FGD4: variants seen among roughly 807,000 people sequenced by gnomAD.
FGD4 encodes the protein FYVE, RhoGEF and PH domain containing 4.
Under a neutral mutation model 102.0 loss-of-function variants are expected in FGD4, and 42 were observed. The observed-to-expected ratio is 0.41, with a 90% CI of 0.32 to 0.53. FGD4 has a LOEUF of 0.53. Ranked by LOEUF, FGD4 falls within the 20% of genes least tolerant of loss-of-function variation. The pLI, the probability that FGD4 is intolerant of heterozygous loss-of-function variation, is 0.21. For synonymous variants in FGD4, 380 were observed against 375.7 expected (o/e 1.01, Z -0.13); for missense variants, 902 against 1,078.2 (o/e 0.84, Z 2.29).
intron 8 of FGD4, among the ~76,000 whole-genome samples, chr12:32,608,576 C>A (rs1306810990): frequency 6.6e-6 from 1 of 152,158 alleles, no homozygotes; most frequent in African/African-American, 2.4e-5. Context: ...ATAACATTTT[C>A]TTCAAGAAAA....
chr12:32,572,273 A>C (rs1945738032), intron 2 of FGD4, among the ~76,000 whole-genome samples: 1 of 152,190 alleles, frequency 6.6e-6, no homozygotes, highest in African/African-American at 2.4e-5. Flanking sequence ...GATCTTATTC[A>C]GCTAAGTAAA....
intron 1 of FGD4, among the ~76,000 whole-genome samples, chr12:32,454,843 A>C (rs1942907554): frequency 6.6e-6 from 1 of 152,118 alleles, no homozygotes; most frequent in Non-Finnish European, 1.5e-5. Context: ...TCTTGTTCTG[A>C]CAGTGTATCC....
intron 1 of FGD4, among the ~76,000 whole-genome samples, chr12:32,414,126 C>G (rs947895529): frequency 3.9e-5 from 6 of 151,938 alleles, no homozygotes; most frequent in African/African-American, 1.5e-4. Flanking sequence ...CGCCCACCAG[C>G]ACACCCAGCT....
At chr12:32,634,399 T>C (rs1015672090) in intron 15 of FGD4, among the ~76,000 whole-genome samples, 30 of 152,194 alleles carry the variant, frequency 2.0e-4, no homozygotes, top group African/African-American at 7.0e-4. Context: ...ACTATAGTCA[T>C]TTAATTGCCA....
intron 9 of FGD4, 27 bp from the exon 10 acceptor site, chr12:32,611,110 T>G (rs1949107796): frequency 1.9e-6 from 3 of 1,613,922 alleles, no homozygotes; most frequent in Non-Finnish European, 2.5e-6. Context: ...CCTGCCTGTA[T>G]GTGATCTTGC....
chr12:32,505,799 T>C (rs1938665227), intron 1 of FGD4, among the ~76,000 whole-genome samples: 1 of 152,202 alleles, frequency 6.6e-6, no homozygotes, highest in South Asian at 2.1e-4. Context: ...AGTTCCTTCC[T>C]TCCTTGTCTG....
At chr12:32,550,670 C>CAAAAAA (rs71447606) in intron 1 of FGD4, among the ~76,000 whole-genome samples, 35 of 89,006 alleles carry the variant, frequency 3.9e-4, no homozygotes, top group African/African-American at 6.0e-4. Flanking sequence ...GACACTGTCT[C>CAAAAAA]AAAAAAAAAA....
chr12:32,399,574 T>TGCGACTGCCGCAGGAGTCGCC lies in FGD4; in HGVS notation c.-217_-197dup. 1 of 1,204,048 alleles carries TGCGACTGCCGCAGGAGTCGCC rather than the reference T, an allele frequency of 8.3e-7. No individual in the cohort carries two copies. The highest frequency in any genetic ancestry group is 1.1e-6 in the Non-Finnish European group (1 of 905,488). 74.6% of individuals were successfully genotyped at this position (1,204,048 alleles called of 1,614,324 possible). A position where few individuals can be genotyped will look rare whatever the true frequency, so the allele number is the denominator to read the frequency against. On this transcript the variant is annotated 5_prime_UTR_variant, in exon 1 of 17. Coordinates refer to ENST00000534526, the MANE Select transcript of FGD4 (RefSeq NM_001370298.3). ...GCGGGAGCTGCAGATACCGAGACGC[T>TGCGACTGCCGCAGGAGTCGCC]GCGACTGCCGCAGGAGTCGCCGCAG... is the stretch of plus-strand genomic sequence containing the variant.
chr12:32,558,636 A>G (rs1944302689), intron 1 of FGD4, among the ~76,000 whole-genome samples: 2 of 152,260 alleles, frequency 1.3e-5, no homozygotes, highest in Non-Finnish European at 2.9e-5. Context: ...ATAGTAGCCA[A>G]AAGTCACCCT....
chr12:32,404,510 A>G (rs373908999), intron 1 of FGD4, among the ~76,000 whole-genome samples: 2 of 152,226 alleles, frequency 1.3e-5, no homozygotes, highest in Admixed American at 6.5e-5. Flanking sequence ...GAAGGAAAAA[A>G]AGTTTCAGAA....
intron 1 of FGD4, among the ~76,000 whole-genome samples, chr12:32,563,848 A>C (rs1944932432): frequency 6.6e-6 from 1 of 152,168 alleles, no homozygotes; most frequent in Admixed American, 6.5e-5. Flanking sequence ...AAAAAGTACG[A>C]AAACCAATCA....
intron 7 of FGD4, among the ~76,000 whole-genome samples, chr12:32,605,362 C>A (rs1311695124): frequency 6.6e-6 from 1 of 152,008 alleles, no homozygotes; most frequent in Non-Finnish European, 1.5e-5. Flanking sequence ...TTAAACACTC[C>A]CCTACCTTAC....
chr12:32,605,190 C>T (rs1438470558), intron 7 of FGD4, among the ~76,000 whole-genome samples: 1 of 152,024 alleles, frequency 6.6e-6, no homozygotes, highest in Non-Finnish European at 1.5e-5. Context: ...TCCCCCGTCT[C>T]GGCTTTCCAA....
intron 1 of FGD4, among the ~76,000 whole-genome samples, chr12:32,434,997 GCAGT>G (rs1942178099): frequency 6.6e-6 from 1 of 150,876 alleles, no homozygotes; most frequent in Non-Finnish European, 1.5e-5. Context: ...AGGCTGGAGT[GCAGT>G]GGCACAGTCT....
rs1378383622 is a variant in FGD4, at chr12:32,619,767, A to G, written c.1819A>G (p.Arg607Gly). ...LVGSKFTVRT[R>G]VGIDGMKIVE... ...AGGCTCTAAATTCACAGTTCGAACC[A>G]GGGTTGGCATTGATGGAATGAAAAT... Residue 607 changes from arginine (R) to glycine (G), a missense_variant, in exon 11 of 17, where the codon AGG becomes GGG. Around this residue, in one of 2 missense-constraint regions of FGD4, gnomAD observed 459 missense variants for 619.0 expected, o/e 0.74. Transcript: ENST00000534526. 2 of 1,614,186 alleles carry G rather than the reference A, an allele frequency of 1.2e-6. No homozygotes were observed. The highest frequency in any genetic ancestry group is 2.7e-5 in the African/African-American group (2 of 75,050).
At chr12:32,520,440 G>GTTTTTTTTTTTT (rs1167066001) in intron 1 of FGD4, among the ~76,000 whole-genome samples, 1 of 134,112 alleles carries the variant, frequency 7.5e-6, no homozygotes, top group Non-Finnish European at 1.6e-5. Context: ...TTTGTTTTTT[G>GTTTTTTTTTTTT]TTTTTTTTTT....
chr12:32,573,456 C>T (rs920846240), intron 2 of FGD4, among the ~76,000 whole-genome samples: 3 of 152,040 alleles, frequency 2.0e-5, no homozygotes, highest in Non-Finnish European at 4.4e-5. Flanking sequence ...TTCTTTTAGT[C>T]CTGCGTTAGA....
At chr12:32,587,331 T>C (rs1247750308) in intron 4 of FGD4, among the ~76,000 whole-genome samples, 1 of 152,136 alleles carries the variant, frequency 6.6e-6, no homozygotes, top group Middle Eastern at 3.2e-3. Flanking sequence ...TCACTTTTTT[T>C]GTAATTAAAA....
intron 15 of FGD4, among the ~76,000 whole-genome samples, chr12:32,634,259 T>G (rs1429085202): frequency 6.6e-6 from 1 of 152,168 alleles, no homozygotes; most frequent in East Asian, 1.9e-4. Flanking sequence ...ACCCAAATTA[T>G]TGTAGTATGT....
Sources: allele counts gnomAD v4.1 joint callset (sites outside exome capture counted in the v4.1 genomes callset), GRCh38; gene constraint gnomAD v4.1.1; regional missense constraint gnomAD v4.1.1; transcripts MANE v1.5; gene names NCBI Gene and HGNC (gene_info 2026-07-23, HGNC 2026-07-21).